WWP2: variants seen among roughly 807,000 people sequenced by gnomAD.
WWP2 encodes NEDD4-like E3 ubiquitin-protein ligase WWP2.
WWP2 carries 57 observed loss-of-function variants against 121.0 expected under a neutral mutation model. That is an observed-to-expected ratio of 0.47 (90% CI 0.38 to 0.59). WWP2 has a LOEUF of 0.59. Ranked by LOEUF, WWP2 falls within the 20% of genes least tolerant of loss-of-function variation. The pLI, the probability that WWP2 is intolerant of heterozygous loss-of-function variation, is 0.00. For missense variants in WWP2, 962 were observed against 1,158.9 expected (o/e 0.83, Z 2.47); for synonymous variants, 449 against 441.3 (o/e 1.02, Z -0.22).
At position 69,884,216 on chromosome 16, in the gene WWP2, G is replaced by C. The variant is rs9925155; in HGVS notation, c.704-3823G>C. ...ATTATACATTGTTCTGCACTTTTTC[G>C]TTTAGTAGTTATCTTAGAATGTTCC... On this transcript the variant is annotated intron_variant, in intron 7 of 23. Transcript: ENST00000359154. Among the ~76,000 whole-genome samples the C allele has an allele frequency of 2.0e-5, 3 of 152,080 alleles. No individual in the cohort carries two copies. In the East Asian group the frequency reaches 5.8e-4, roughly 29 times the overall value.
chr16:69,908,028 C>T (rs961117369), intron 8 of WWP2, among the ~76,000 whole-genome samples: 19 of 152,088 alleles, frequency 1.2e-4, no homozygotes, highest in Middle Eastern at 3.2e-3. Flanking sequence ...GTCGCTTGAG[C>T]TCAGGGGTTC....
chr16:69,915,531 A>G (rs531486636), intron 9 of WWP2, among the ~76,000 whole-genome samples: 4 of 152,366 alleles, frequency 2.6e-5, no homozygotes, highest in Non-Finnish European at 2.9e-5. Context: ...TTTGGGCAAC[A>G]TAGTGAGATC....
chr16:69,849,143 C>G (rs991588910), intron 6 of WWP2, among the ~76,000 whole-genome samples: 1 of 152,170 alleles, frequency 6.6e-6, no homozygotes, highest in African/African-American at 2.4e-5. Flanking sequence ...GAAAAATAAA[C>G]TCAGGCGGGT....
At chr16:69,934,302 A>G (rs1229683663) in intron 17 of WWP2, among the ~76,000 whole-genome samples, 173 bp downstream of exon 17, 3 of 152,026 alleles carry the variant, frequency 2.0e-5, no homozygotes, top group African/African-American at 7.2e-5. Flanking sequence ...CGTGGCGTGA[A>G]CGGCAGCCCC....
chr16:69,936,659 T>A, intron 19 of WWP2: 1 of 671,658 alleles, frequency 1.5e-6, no homozygotes, highest in Non-Finnish European at 2.4e-6. Context: ...CTCCCAGCTG[T>A]GCTTTTTCGC....
chr16:69,816,478 T>A (rs574295936), intron 4 of WWP2, among the ~76,000 whole-genome samples: 1 of 148,216 alleles, frequency 6.7e-6, no homozygotes, highest in South Asian at 2.1e-4. Flanking sequence ...ATATATACTT[T>A]ATATATGTAA....
chr16:69,873,379 G>T (rs1424022813), intron 7 of WWP2, among the ~76,000 whole-genome samples: 1 of 152,216 alleles, frequency 6.6e-6, no homozygotes, highest in Non-Finnish European at 1.5e-5. Flanking sequence ...CACTGTGAGT[G>T]CAGTGGCCTG....
At chr16:69,933,315 C>T (rs1315726216) in intron 16 of WWP2, 2 of 357,514 alleles carry the variant, frequency 5.6e-6, no homozygotes, top group Non-Finnish European at 1.1e-5. Flanking sequence ...GGCTCGCACC[C>T]AGGGCACGGG....
chr16:69,905,294 G>A (rs1026056279), intron 8 of WWP2, among the ~76,000 whole-genome samples: 1 of 152,174 alleles, frequency 6.6e-6, no homozygotes, highest in African/African-American at 2.4e-5. Flanking sequence ...GTCCGCTTTG[G>A]GGGGTGTGTA....
chr16:69,873,249 C>T (rs1005425493), intron 7 of WWP2, among the ~76,000 whole-genome samples: 3 of 152,224 alleles, frequency 2.0e-5, no homozygotes, highest in Admixed American at 2.0e-4. Flanking sequence ...TTGCAATACC[C>T]TTCAGTTCTG....
intron 6 of WWP2, among the ~76,000 whole-genome samples, chr16:69,861,425 G>A (rs2057418461): frequency 6.6e-6 from 1 of 152,102 alleles, no homozygotes; most frequent in East Asian, 1.9e-4. Context: ...GTACTCTAGG[G>A]TGCGCAAAAG....
intron 4 of WWP2, among the ~76,000 whole-genome samples, chr16:69,830,423 AG>A (rs1202341125): frequency 6.6e-6 from 1 of 152,252 alleles, no homozygotes; most frequent in African/African-American, 2.4e-5. Flanking sequence ...AACAAGAAAC[AG>A]AGAAAAAGTT....
chr16:69,863,225 C>T (rs1216044690), intron 6 of WWP2, among the ~76,000 whole-genome samples: 5 of 152,168 alleles, frequency 3.3e-5, no homozygotes, highest in African/African-American at 1.2e-4. Flanking sequence ...ATTTTCTCCA[C>T]AAATGGCTTT....
At chr16:69,912,630 A>C (rs1464091649) in intron 9 of WWP2, among the ~76,000 whole-genome samples, 1 of 151,796 alleles carries the variant, frequency 6.6e-6, no homozygotes, top group African/African-American at 2.4e-5. Context: ...AGAAACATAG[A>C]TTGTGATATT....
chr16:69,928,297 G>A (rs577383617), intron 11 of WWP2, among the ~76,000 whole-genome samples: 1 of 152,274 alleles, frequency 6.6e-6, no homozygotes, highest in African/African-American at 2.4e-5. Context: ...AGATTTGAAG[G>A]CTCAGGAACT....
intron 4 of WWP2, among the ~76,000 whole-genome samples, chr16:69,813,827 A>T (rs1470400352): frequency 6.6e-6 from 1 of 152,136 alleles, no homozygotes; most frequent in Admixed American, 6.6e-5. Context: ...CTGCCTCTTC[A>T]AGCTTGCTGC....
intron 7 of WWP2, among the ~76,000 whole-genome samples, chr16:69,878,702 T>G (rs2057775545): frequency 6.6e-6 from 1 of 152,192 alleles, no homozygotes; most frequent in Non-Finnish European, 1.5e-5. Context: ...TGCTCTTCTT[T>G]GCTTTTTAAA....
At chr16:69,762,592 G>A (rs935238443) in intron 1 of WWP2, among the ~76,000 whole-genome samples, 27 of 151,772 alleles carry the variant, frequency 1.8e-4, no homozygotes, top group African/African-American at 5.5e-4. Context: ...GGGTGGGCGC[G>A]CCGCGGCCCG....
chr16:69,936,973 G>A, intron 19 of WWP2, 145 bp from the exon 20 acceptor site: 1 of 1,156,546 alleles, frequency 8.6e-7, no homozygotes, highest in South Asian at 1.6e-5. Flanking sequence ...CCTCACTCTA[G>A]GTCCTCCAGC....
Sources: allele counts gnomAD v4.1 joint callset (sites outside exome capture counted in the v4.1 genomes callset), GRCh38; gene constraint gnomAD v4.1.1; transcripts MANE v1.5; gene names NCBI Gene and HGNC (gene_info 2026-07-23, HGNC 2026-07-21).